The following IL1RAPL1 variants were observed in gnomAD, a reference collection of about 807,000 sequenced individuals.
IL1RAPL1 encodes the protein interleukin 1 receptor accessory protein like 1, also known as interleukin-1 receptor accessory protein-like 1.
A neutral mutation model predicts 48.4 loss-of-function variants in IL1RAPL1; 3 were observed. The ratio of observed to expected loss-of-function variants is 0.06; its 90% CI spans 0.03 to 0.16. The LOEUF (loss-of-function observed/expected upper bound fraction) is 0.16. IL1RAPL1 is among the 10% of genes least tolerant of loss of function. The probability of loss-of-function intolerance (pLI) is 1.00; values close to 1 mark genes in which losing one functional copy is unlikely to be tolerated. For missense variants in IL1RAPL1, 349 were observed against 530.6 expected (o/e 0.66, Z 3.36); for synonymous variants, 185 against 187.7 (o/e 0.99, Z 0.12).
intron 1 of IL1RAPL1, among the ~76,000 whole-genome samples, chrX:28,728,264 C>T (rs1012978035): frequency 1.8e-5 from 2 of 111,203 alleles, no homozygotes; most frequent in South Asian, 7.5e-4. Context: ...GCTTTCCTTT[C>T]AAAATTAGCA....
At chrX:29,273,737 G>T (rs1330422018) in intron 2 of IL1RAPL1, among the ~76,000 whole-genome samples, 1 of 110,663 alleles carries the variant, frequency 9.0e-6, no homozygotes, top group Non-Finnish European at 1.9e-5. Context: ...TAGGGCACTT[G>T]CAGAGGCAGG....
intron 6 of IL1RAPL1, among the ~76,000 whole-genome samples, chrX:29,757,045 A>AGGGATCGTGGTTCCGCCAACACCTG (rs1332412405): frequency 1.5e-4 from 17 of 111,917 alleles, no homozygotes; most frequent in Non-Finnish European, 1.9e-4. Flanking sequence ...CATGTTTCAA[A>AGGGATCGTGGTTCCGCCAACACCTG]GGGATCGTGG....
chrX:29,176,340 A>G lies in IL1RAPL1; in HGVS notation c.83-106598A>G, dbSNP rs769661814. Among the ~76,000 whole-genome samples the G allele has an allele frequency of 1.2e-4, 13 of 104,577 alleles. No homozygotes were observed. In the Admixed American group the frequency reaches 1.3e-3, roughly 10 times the overall value. 90.8% of individuals were successfully genotyped at this position (104,577 alleles called of 115,157 possible). A position where few individuals can be genotyped will look rare whatever the true frequency, so the allele number is the denominator to read the frequency against. ...AGGATGGTCTCAATCTCCTGACCTC[A>G]TGATCCATCCACCCATGTAGGCCTC... On this transcript the variant is annotated intron_variant, in intron 2 of 10. Coordinates refer to ENST00000378993, the MANE Select transcript of IL1RAPL1 (RefSeq NM_014271.4).
chrX:29,918,123 C>CAAA lies in IL1RAPL1; in HGVS notation c.911+547_911+549dup, dbSNP rs781348669. Among the ~76,000 whole-genome samples, 42 of 7,808 alleles carry CAAA rather than the reference C, an allele frequency of 5.4e-3. 4 individuals carry two copies. The highest frequency in any genetic ancestry group is 5.7e-3 in the Non-Finnish European group (29 of 5,130). The allele number at this position is 7,808 out of a possible 115,157, so 6.8% of individuals were successfully genotyped here. ...GAACAACAGAGTGAGACTCTGTCTCCAAAAAAAAAAAAAAAAAAAAAATAT... is the reference window on the plus strand; with the variant it reads ...GAACAACAGAGTGAGACTCTGTCTCCAAAAAAAAAAAAAAAAAAAAAAAAATAT... On this transcript the variant is annotated intron_variant, in intron 7 of 10. Coordinates refer to ENST00000378993, the MANE Select transcript of IL1RAPL1 (RefSeq NM_014271.4).
At chrX:29,877,964 C>A (rs181552012) in intron 6 of IL1RAPL1, among the ~76,000 whole-genome samples, 8 of 111,536 alleles carry the variant, frequency 7.2e-5, no homozygotes, top group Non-Finnish European at 1.5e-4. Flanking sequence ...ATCAATGTAC[C>A]CACAGTGTTT....
chrX:29,306,016 A>G lies in IL1RAPL1; in HGVS notation c.362+22799A>G, dbSNP rs147804063. Among the ~76,000 whole-genome samples the G allele has an allele frequency of 8.7e-3, 979 of 111,955 alleles. 6 individuals carry two copies. Among genetic ancestry groups the G allele is most frequent in the Non-Finnish European group, 0.014 (759 of 53,123 alleles). On this transcript the variant is annotated intron_variant, in intron 3 of 10. Coordinates refer to ENST00000378993, the MANE Select transcript of IL1RAPL1 (RefSeq NM_014271.4). ...CAGACATCCTGAATTCAACCTTAAT[A>G]TCTCTTTGAGGAAGATGACTCACTT...
intron 5 of IL1RAPL1, among the ~76,000 whole-genome samples, chrX:29,550,025 A>G (rs1921750952): frequency 9.0e-6 from 1 of 111,446 alleles, no homozygotes; most frequent in South Asian, 3.7e-4. Flanking sequence ...TCCAAGTTAT[A>G]ATTTTTTAGT....
intron 1 of IL1RAPL1, among the ~76,000 whole-genome samples, chrX:28,731,362 A>G (rs757186902): frequency 2.8e-4 from 31 of 111,817 alleles, no homozygotes; most frequent in Non-Finnish European, 4.7e-4. Context: ...ATTGCTAGCT[A>G]GTATTTTTCC....
At chrX:28,973,501 A>G (rs886830501) in intron 2 of IL1RAPL1, among the ~76,000 whole-genome samples, 8 of 112,113 alleles carry the variant, frequency 7.1e-5, no homozygotes, top group African/African-American at 2.6e-4. Flanking sequence ...AATATAACTT[A>G]TCATCTTGGC....
chrX:29,502,949 G>A lies in IL1RAPL1; in HGVS notation c.703+103641G>A, dbSNP rs1935290661. Among the ~76,000 whole-genome samples the A allele has an allele frequency of 2.7e-5, 3 of 111,256 alleles. No individual in the cohort carries two copies. The South Asian group carries it at 1.1e-3, about 42-fold the overall frequency. On this transcript the variant is annotated intron_variant, in intron 5 of 10. Coordinates refer to ENST00000378993, the MANE Select transcript of IL1RAPL1 (RefSeq NM_014271.4). ...TGGGTCCTGGGCTATTCCTTGGTGG[G>A]AGACATTTGATTATGGCTTTGATCT...
At chrX:29,168,362 A>G (rs1291599557) in intron 2 of IL1RAPL1, among the ~76,000 whole-genome samples, 1 of 106,147 alleles carries the variant, frequency 9.4e-6, no homozygotes, top group Non-Finnish European at 1.9e-5. Context: ...ACCCTCACCA[A>G]TGTTTGCTAA....
At chrX:29,667,489 A>C (rs1926029973) in intron 5 of IL1RAPL1, among the ~76,000 whole-genome samples, 1 of 112,044 alleles carries the variant, frequency 8.9e-6, no homozygotes, top group Non-Finnish European at 1.9e-5. Flanking sequence ...GCAATCCTTA[A>C]ATGATAATTT....
rs762542771 is a variant in IL1RAPL1, at chrX:29,413,354, TC to T, written c.703+14047del. Among the ~76,000 whole-genome samples, 185 of 111,990 alleles carry T rather than the reference TC, an allele frequency of 1.7e-3. 1 individual carries two copies. Among genetic ancestry groups the T allele is most frequent in the African/African-American group, 5.5e-3 (170 of 30,846 alleles). On this transcript the variant is annotated intron_variant, in intron 5 of 10. Transcript: ENST00000378993. ...GTTAATGTAATTTTAATATTTATAATCTTTTTTTTATTATTATACTTTAAGT... is the reference window on the plus strand; with the variant it reads ...GTTAATGTAATTTTAATATTTATAATTTTTTTTTATTATTATACTTTAAGT...
At chrX:29,207,858 G>A (rs1421003821) in intron 2 of IL1RAPL1, among the ~76,000 whole-genome samples, 2 of 111,999 alleles carry the variant, frequency 1.8e-5, no homozygotes, top group Non-Finnish European at 1.9e-5. Flanking sequence ...CTGTCAACAC[G>A]TGAGCAGTAT....
intron 1 of IL1RAPL1, among the ~76,000 whole-genome samples, chrX:28,663,739 C>A (rs1934845713): frequency 9.5e-6 from 1 of 105,699 alleles, no homozygotes; most frequent in African/African-American, 3.5e-5. Context: ...GCCCCATATA[C>A]AAATATAATC....
At chrX:29,615,045 G>A (rs1924242741) in intron 5 of IL1RAPL1, among the ~76,000 whole-genome samples, 2 of 111,473 alleles carry the variant, frequency 1.8e-5, no homozygotes, top group African/African-American at 6.5e-5. Context: ...ATACATAGAT[G>A]TATAGACATG....
intron 2 of IL1RAPL1, among the ~76,000 whole-genome samples, chrX:28,811,681 A>G (rs946259400): frequency 4.5e-5 from 5 of 110,861 alleles, no homozygotes; most frequent in African/African-American, 1.6e-4. Context: ...GATGAATACA[A>G]TGATTACGAA....
chrX:29,815,949 T>C (rs1930482316), intron 6 of IL1RAPL1, among the ~76,000 whole-genome samples: 1 of 111,320 alleles, frequency 9.0e-6, no homozygotes, highest in African/African-American at 3.3e-5. Flanking sequence ...TAAAGCCTAC[T>C]AAATACCTAT....
At chrX:29,040,385 A>G (rs995560982) in intron 2 of IL1RAPL1, among the ~76,000 whole-genome samples, 3 of 112,099 alleles carry the variant, frequency 2.7e-5, no homozygotes, top group African/African-American at 9.7e-5. Context: ...AAACTGCACA[A>G]GGATCATCTG....
Sources: allele counts gnomAD v4.1 joint callset (sites outside exome capture counted in the v4.1 genomes callset), GRCh38; gene constraint gnomAD v4.1.1; transcripts MANE v1.5; gene names NCBI Gene and HGNC (gene_info 2026-07-23, HGNC 2026-07-21).